Variants in ELMO1 observed in about 807,000 individuals in gnomAD.
ELMO1 encodes engulfment and cell motility 1.
ELMO1 carries 26 observed loss-of-function variants against 98.9 expected under a neutral mutation model. The ratio of observed to expected loss-of-function variants is 0.26; its 90% CI spans 0.19 to 0.36. The LOEUF is 0.36. ELMO1 is among the 10% of genes least tolerant of loss of function. ELMO1 has a pLI of 1.00. For synonymous variants in ELMO1, 346 were observed against 346.0 expected (o/e 1.00, Z 0.00); for missense variants, 627 against 935.2 (o/e 0.67, Z 4.30).
chr7:36,999,570 T>A (rs1313126921), intron 16 of ELMO1, among the ~76,000 whole-genome samples: 2 of 152,156 alleles, frequency 1.3e-5, no homozygotes, highest in African/African-American at 4.8e-5. Flanking sequence ...GTGAGTTAAA[T>A]GATCACAGAA....
intron 1 of ELMO1, among the ~76,000 whole-genome samples, chr7:37,363,895 G>A (rs1032774413): frequency 2.6e-5 from 4 of 152,146 alleles, no homozygotes; most frequent in Admixed American, 1.3e-4. Flanking sequence ...AACCAAAGAA[G>A]CCAGGGAAGA....
intron 13 of ELMO1, among the ~76,000 whole-genome samples, chr7:37,166,506 T>C (rs1789701614): frequency 6.6e-6 from 1 of 152,128 alleles, no homozygotes; most frequent in Non-Finnish European, 1.5e-5. Context: ...AACACTGCTT[T>C]GAATGTGTCC....
chr7:37,142,562 C>A (rs1389948058), intron 13 of ELMO1, among the ~76,000 whole-genome samples: 1 of 152,180 alleles, frequency 6.6e-6, no homozygotes, highest in Non-Finnish European at 1.5e-5. Context: ...TGTTTTGTTC[C>A]TACTTTTTTC....
At chr7:36,878,172 T>A in intron 18 of ELMO1, 55 bp from the exon 19 acceptor site, 2 of 1,322,408 alleles carry the variant, frequency 1.5e-6, no homozygotes, top group Non-Finnish European at 1.1e-6. Flanking sequence ...ATCAAAATAC[T>A]AGCCTGGTTA....
At chr7:36,948,822 A>G (rs887900690) in intron 16 of ELMO1, among the ~76,000 whole-genome samples, 14 of 152,100 alleles carry the variant, frequency 9.2e-5, no homozygotes, top group Admixed American at 9.2e-4. Context: ...CCTCTAGGAT[A>G]TGCTCCCTAT....
chr7:37,251,123 T>G (rs1194570561), intron 6 of ELMO1, among the ~76,000 whole-genome samples: 1 of 152,206 alleles, frequency 6.6e-6, no homozygotes, highest in Non-Finnish European at 1.5e-5. Flanking sequence ...GAGCAGTATT[T>G]TTTATGACAT....
chr7:37,133,693 C>T (rs1320175000), intron 13 of ELMO1, among the ~76,000 whole-genome samples: 1 of 152,182 alleles, frequency 6.6e-6, no homozygotes, highest in Non-Finnish European at 1.5e-5. Flanking sequence ...AGGTTAAATA[C>T]AGCCCCATAC....
chr7:37,187,930 G>A (rs868506382), intron 13 of ELMO1, among the ~76,000 whole-genome samples: 1 of 151,968 alleles, frequency 6.6e-6, no homozygotes, highest in Admixed American at 6.6e-5. Context: ...GCCCAAACTG[G>A]GGCATCTAAA....
chr7:37,424,303 G>A (rs1480848893), intron 1 of ELMO1, among the ~76,000 whole-genome samples: 1 of 152,156 alleles, frequency 6.6e-6, no homozygotes, highest in Admixed American at 6.5e-5. Flanking sequence ...CATACTGTAC[G>A]AACATTAGCC....
chr7:37,106,047 CAA>C (rs1167046480), intron 14 of ELMO1, among the ~76,000 whole-genome samples: 4 of 152,054 alleles, frequency 2.6e-5, no homozygotes, highest in African/African-American at 9.7e-5. Context: ...TCTCGATTAA[CAA>C]AAAAGAGTTA....
At chr7:37,143,537 G>T (rs1787777152) in intron 13 of ELMO1, among the ~76,000 whole-genome samples, 2 of 151,802 alleles carry the variant, frequency 1.3e-5, no homozygotes. Flanking sequence ...CTCCTGAGTA[G>T]CTGGGACTAC....
chr7:37,036,594 G>T (rs994706599), intron 15 of ELMO1, among the ~76,000 whole-genome samples: 2 of 152,120 alleles, frequency 1.3e-5, no homozygotes, highest in Admixed American at 6.5e-5. Context: ...GCCCAAGGTG[G>T]TCTCAAACTC....
At chr7:36,889,980 G>A (rs1242001127) in intron 17 of ELMO1, among the ~76,000 whole-genome samples, 5 of 152,282 alleles carry the variant, frequency 3.3e-5, no homozygotes, top group South Asian at 2.1e-4. Flanking sequence ...AATGGACTCA[G>A]TAGCCGTAAA....
At chr7:36,891,339 T>C (rs1805530695) in intron 17 of ELMO1, among the ~76,000 whole-genome samples, 1 of 152,256 alleles carries the variant, frequency 6.6e-6, no homozygotes, top group Non-Finnish European at 1.5e-5. Context: ...CTGAACATTG[T>C]CTAACTGACC....
intron 21 of ELMO1, among the ~76,000 whole-genome samples, chr7:36,857,493 A>G (rs1448281134): frequency 1.3e-5 from 2 of 152,084 alleles, no homozygotes; most frequent in Non-Finnish European, 2.9e-5. Context: ...TGTTCTTTTC[A>G]CACAGCCTTC....
intron 12 of ELMO1, among the ~76,000 whole-genome samples, chr7:37,212,836 A>G (rs1323593474): frequency 6.6e-6 from 1 of 152,188 alleles, no homozygotes; most frequent in Non-Finnish European, 1.5e-5. Flanking sequence ...TTTCATGCAC[A>G]ACAAGAGACC....
intron 14 of ELMO1, among the ~76,000 whole-genome samples, chr7:37,101,825 C>A (rs921990404): frequency 1.3e-5 from 2 of 151,932 alleles, no homozygotes; most frequent in African/African-American, 2.4e-5. Context: ...GAGAGTCACT[C>A]AGGTTAAAAC....
intron 2 of ELMO1, among the ~76,000 whole-genome samples, chr7:37,336,703 CG>C (rs1800431618): frequency 6.6e-6 from 1 of 152,050 alleles, no homozygotes; most frequent in Non-Finnish European, 1.5e-5. Context: ...CTTTGCCGAG[CG>C]TAACCGAGAG....
chr7:36,902,698 G>A (rs888599478), intron 16 of ELMO1, among the ~76,000 whole-genome samples: 3 of 152,204 alleles, frequency 2.0e-5, no homozygotes, highest in African/African-American at 7.2e-5. Flanking sequence ...CTCTGAGGGT[G>A]TCTTTGGTAA....
Sources: gnomAD v4.1 joint callset for allele counts (sites outside exome capture counted in the v4.1 genomes callset) on GRCh38, gnomAD v4.1.1 for gene constraint, MANE v1.5 for transcripts, NCBI Gene and HGNC (gene_info 2026-07-23, HGNC 2026-07-21) for gene names.